DOCK7: variants seen among roughly 807,000 people sequenced by gnomAD.
DOCK7 encodes the protein dedicator of cytokinesis protein 7.
A neutral mutation model predicts 271.0 loss-of-function variants in DOCK7; 138 were observed. The ratio of observed to expected loss-of-function variants is 0.51; its 90% CI spans 0.44 to 0.59. The LOEUF (loss-of-function observed/expected upper bound fraction) is 0.59. Among genes scored for constraint, DOCK7 ranks in the 20% least tolerant of loss-of-function variants. The pLI, the probability that DOCK7 is intolerant of heterozygous loss-of-function variation, is 0.00. For missense variants in DOCK7, 2,066 were observed against 2,592.4 expected (o/e 0.80, Z 4.41); for synonymous variants, 823 against 876.1 (o/e 0.94, Z 1.07).
intron 14 of DOCK7, chr1:62,598,137 C>T (rs552459642): frequency 1.0e-5 from 14 of 1,334,656 alleles, no homozygotes; most frequent in Non-Finnish European, 1.3e-5. Flanking sequence ...CTAAGGCATG[C>T]CATTTGAAAT....
intron 7 of DOCK7, among the ~76,000 whole-genome samples, chr1:62,644,287 G>A (rs1489278956): frequency 6.6e-6 from 1 of 152,194 alleles, no homozygotes; most frequent in Non-Finnish European, 1.5e-5. Flanking sequence ...TTATGACCTG[G>A]AATTCTCAAG....
In DOCK7 at chr1:62,504,700, A is replaced by G. The variant is rs373839094; in HGVS notation, c.4694T>C (p.Ile1565Thr). The change falls in exon 37 of 50, where the codon ATC becomes ACC. Residue 1565 changes from isoleucine to threonine, a missense_variant. Around this residue, in one of 2 missense-constraint regions of DOCK7, gnomAD observed 652 missense variants for 922.1 expected, o/e 0.71. Coordinates refer to ENST00000635253, the MANE Select transcript of DOCK7 (RefSeq NM_001367561.1). ...ACTGGCGTGTGACCGTATTGTACCG[A>G]TGCTACTGCTACAGTGTCGGAGAAG... Reference protein sequence around the residue: ...LRLLRHCSSSIGTIRSHASAS... With the variant: ...LRLLRHCSSSTGTIRSHASAS... 29 of 1,614,042 alleles carry G rather than the reference A, an allele frequency of 1.8e-5. No homozygotes were observed. The highest frequency in any genetic ancestry group is 1.1e-4 in the East Asian group (5 of 44,878).
chr1:62,526,267 T>A (rs947048259), intron 31 of DOCK7, among the ~76,000 whole-genome samples: 1 of 152,144 alleles, frequency 6.6e-6, no homozygotes, highest in Admixed American at 6.5e-5. Context: ...AATAGACTTT[T>A]CTCCAAAGGA....
chr1:62,513,413 T>C (rs776581748), intron 33 of DOCK7, 31 bp downstream of exon 33: 11 of 1,572,412 alleles, frequency 7.0e-6, no homozygotes, highest in Admixed American at 4.0e-5. Context: ...CATTACAATA[T>C]ACAACTCAAG....
chr1:62,664,423 T>C (rs1026587905), intron 1 of DOCK7, among the ~76,000 whole-genome samples: 2 of 152,158 alleles, frequency 1.3e-5, no homozygotes, highest in African/African-American at 4.8e-5. Flanking sequence ...CCAGCCACCA[T>C]GTAAGATGTC....
intron 43 of DOCK7, 158 bp downstream of exon 43, chr1:62,487,221 AAGATATTTCTTAAAATAAC>A: frequency 1.8e-6 from 1 of 567,756 alleles, no homozygotes; most frequent in Non-Finnish European, 3.1e-6. Flanking sequence ...ACCTCATAAT[AAGATATTTCTTAAAATAAC>A]TTACAATATT....
At chr1:62,583,762 T>C (rs1571644860) in intron 15 of DOCK7, among the ~76,000 whole-genome samples, 1 of 152,160 alleles carries the variant, frequency 6.6e-6, no homozygotes, top group African/African-American at 2.4e-5. Flanking sequence ...TACTCTACAA[T>C]AGAGGAGGAG....
rs1654882769 is a variant in DOCK7 at position 62,633,533 on chromosome 1, G to A, written c.1081C>T (p.Pro361Ser). The A allele has an allele frequency of 3.7e-6, 6 of 1,613,114 alleles. No individual in the cohort carries two copies. In the Admixed American group the frequency reaches 8.3e-5, roughly 22 times the overall value. Residue 361 changes from proline (P) to serine (S), a missense_variant, in exon 10 of 50, where the codon CCA (proline) becomes TCA (serine). By Grantham distance (74) the Pro-to-Ser change is moderately conservative (BLOSUM62 -1). Coordinates refer to ENST00000635253, the MANE Select transcript of DOCK7 (RefSeq NM_001367561.1). ...TCTGCTTCTTTGAAAATCATATATGGTTCTGCACACTCTCCAATGTCTCCT... is the reference window on the plus strand; with the variant it reads ...TCTGCTTCTTTGAAAATCATATATGATTCTGCACACTCTCCAATGTCTCCT... ...QQGDIGECAE[P>S]YMIFKEADAT...
intron 43 of DOCK7, 98 bp downstream of exon 43, chr1:62,487,300 A>G: frequency 8.4e-7 from 1 of 1,186,724 alleles, no homozygotes. Context: ...AGATAGCAAC[A>G]GAATGCCCAC....
chr1:62,586,755 T>C (rs1485511255), intron 14 of DOCK7, 131 bp from the exon 15 acceptor site: 6 of 497,154 alleles, frequency 1.2e-5, no homozygotes, highest in Non-Finnish European at 1.7e-5. Context: ...GCTAAGTATT[T>C]TCACATGTGA....
chr1:62,564,452 T>C (rs1164066146), intron 18 of DOCK7, among the ~76,000 whole-genome samples: 1 of 152,168 alleles, frequency 6.6e-6, no homozygotes, highest in East Asian at 1.9e-4. Context: ...CCTGAATGAC[T>C]ACTGGGTAAA....
In DOCK7 at chr1:62,586,583, T is replaced by C. The variant is rs147324128; in HGVS notation, c.1724A>G (p.Asn575Ser). 16 of 1,612,884 alleles carry C rather than the reference T, an allele frequency of 9.9e-6. No homozygotes were observed. The highest frequency in any genetic ancestry group is 2.2e-5 in the South Asian group (2 of 90,988). ...TATATTTCTAGCAGAACCTTGACGA[T>C]TGGCAAAATTAAGACTCTGAGGGTA... Reference protein sequence around the residue: ...YIYPQSLNFANRQGSARNITV... With the variant: ...YIYPQSLNFASRQGSARNITV... Residue 575 changes from asparagine to serine, a missense_variant, in exon 15 of 50, where the codon AAT becomes AGT. Coordinates refer to ENST00000635253, the MANE Select transcript of DOCK7 (RefSeq NM_001367561.1).
intron 7 of DOCK7, among the ~76,000 whole-genome samples, chr1:62,642,713 GTTTATC>G (rs1190624001): frequency 6.6e-6 from 1 of 151,960 alleles, no homozygotes; most frequent in Non-Finnish European, 1.5e-5. Flanking sequence ...ACAAACACAG[GTTTATC>G]TTTATGTTTT....
chr1:62,574,190 C>G (rs1385543260), intron 18 of DOCK7, among the ~76,000 whole-genome samples: 1 of 152,112 alleles, frequency 6.6e-6, no homozygotes, highest in African/African-American at 2.4e-5. Context: ...ATTCATCACA[C>G]ACGGTACTCT....
chr1:62,511,627 A>G (rs948795153), intron 33 of DOCK7, among the ~76,000 whole-genome samples: 2 of 152,140 alleles, frequency 1.3e-5, no homozygotes, highest in Non-Finnish European at 2.9e-5. Context: ...AATACTGAGA[A>G]ATAAGAATCA....
chr1:62,641,856 G>A (rs756716562), intron 7 of DOCK7, among the ~76,000 whole-genome samples: 18 of 152,248 alleles, frequency 1.2e-4, no homozygotes, highest in Admixed American at 4.6e-4. Context: ...TTTGTAAGAC[G>A]TTAATATTGT....
intron 39 of DOCK7, chr1:62,495,350 G>T: frequency 3.7e-6 from 1 of 270,126 alleles, no homozygotes; most frequent in Non-Finnish European, 6.8e-6. Flanking sequence ...CCAGAACTTT[G>T]GGAGGCCAAG....
At chr1:62,501,160 C>T (rs1646772321) in intron 37 of DOCK7, among the ~76,000 whole-genome samples, 1 of 152,090 alleles carries the variant, frequency 6.6e-6, no homozygotes, top group Non-Finnish European at 1.5e-5. Context: ...CCAGACTGGG[C>T]AACAAAGTGA....
Position 62,522,589 on chromosome 1 carries a change from T to C in DOCK7, c.3936+5562A>G, listed in dbSNP as rs558174835. On this transcript the variant is annotated intron_variant, in intron 31 of 49. Transcript: ENST00000635253. ...AAAAACCCAAAACATACAGAACATATGTTTAAGAATGAAATGTTGAAAGTT... is the reference window on the plus strand; with the variant it reads ...AAAAACCCAAAACATACAGAACATACGTTTAAGAATGAAATGTTGAAAGTT... Among the ~76,000 whole-genome samples, 102 of 152,172 alleles carry C rather than the reference T, an allele frequency of 6.7e-4. 1 individual carries two copies. The highest frequency in any genetic ancestry group is 3.4e-3 in the Middle Eastern group (1 of 290).
Sources: gnomAD v4.1 joint callset for allele counts (sites outside exome capture counted in the v4.1 genomes callset) on GRCh38, gnomAD v4.1.1 for gene constraint, gnomAD v4.1.1 regional missense constraint, MANE v1.5 for transcripts, NCBI Gene and HGNC (gene_info 2026-07-23, HGNC 2026-07-21) for gene names.